The following SIPA1L3 variants were observed in gnomAD, a reference collection of about 807,000 sequenced individuals.
SIPA1L3 encodes the protein signal-induced proliferation-associated 1-like protein 3.
SIPA1L3 carries 59 observed loss-of-function variants against 150.1 expected under a neutral mutation model. That is an observed-to-expected ratio of 0.39 (90% CI 0.32 to 0.49). The LOEUF (loss-of-function observed/expected upper bound fraction) is 0.49, where lower values mean the gene tolerates loss of function less well. Ranked by LOEUF, SIPA1L3 falls within the 20% of genes least tolerant of loss-of-function variation. The pLI, the probability that SIPA1L3 is intolerant of heterozygous loss-of-function variation, is 0.86. For synonymous variants in SIPA1L3, 1,070 were observed against 1,077.6 expected, an observed-to-expected ratio of 0.99 and a Z score of 0.14; for missense variants, 2,211 against 2,489.5, an observed-to-expected ratio of 0.89 and a Z score of 2.38.
At chr19:38,195,795 C>CT in intron 18 of SIPA1L3, among the ~76,000 whole-genome samples, 2 of 102,328 alleles carry the variant, frequency 2.0e-5, no homozygotes, top group African/African-American at 4.7e-5. Flanking sequence ...AGGCCCCGTC[C>CT]CCCCCCGCCC....
rs563145310 is a variant in SIPA1L3 at position 38,170,639 on chromosome 19, G to A, written c.4208+5733G>A. Among the ~76,000 whole-genome samples, 8 of 152,312 alleles carry A rather than the reference G, an allele frequency of 5.3e-5. No individual in the cohort carries two copies. In the South Asian group the frequency reaches 8.3e-4, roughly 16 times the overall value. ...GGAACAGGCAGACCAGATCCCCACC[G>A]TCCTGGTACGGACGGAGGCCCATGG... On this transcript the variant is annotated intron_variant, in intron 15 of 21. Transcript: ENST00000222345.
rs190055801 is a variant in SIPA1L3, at chr19:38,090,666, G to T, written c.1665+1815G>T. On this transcript the variant is annotated intron_variant, in intron 4 of 21. Coordinates refer to ENST00000222345, the MANE Select transcript of SIPA1L3 (RefSeq NM_015073.3). ...GCCAGCTAGGCAGGCCCTCCAAAAT[G>T]GGTCTCCCTCAGCCTGCATTGCCCC... is the stretch of plus-strand genomic sequence containing the variant. Among the ~76,000 whole-genome samples the T allele has an allele frequency of 2.5e-4, 38 of 152,364 alleles. No individual in the cohort carries two copies. In the East Asian group the frequency reaches 6.7e-3, roughly 27 times the overall value.
At chr19:38,088,965 C>A (rs977322818) in intron 4 of SIPA1L3, 114 bp downstream of exon 4, 9 of 1,115,342 alleles carry the variant, frequency 8.1e-6, no homozygotes, top group Non-Finnish European at 1.2e-5. Flanking sequence ...TCCCAACAAC[C>A]CCGGGAGAGC....
chr19:37,908,191 T>C (rs958686972), intron 1 of SIPA1L3, among the ~76,000 whole-genome samples: 2 of 152,072 alleles, frequency 1.3e-5, no homozygotes, highest in African/African-American at 2.4e-5. Flanking sequence ...CTGGCCGTAG[T>C]ATTGGTCACC....
Position 38,164,795 on chromosome 19 carries a change from C to G in SIPA1L3, c.4097C>G (p.Ala1366Gly), listed in dbSNP as rs1268702891. 1 of 1,611,550 alleles carries G rather than the reference C, an allele frequency of 6.2e-7. No individual in the cohort carries two copies. The highest frequency in any genetic ancestry group is 8.5e-7 in the Non-Finnish European group (1 of 1,178,906). Reference protein sequence around the residue: ...HADRRREVSPAPAVAGQSKGY... With the variant: ...HADRRREVSPGPAVAGQSKGY... The stretch of plus-strand genomic sequence containing the variant: ...GACAGGCGGCGGGAGGTCTCCCCTG[C>G]CCCCGCAGTTGCCGGCCAAAGCAAG... The change falls in exon 15 of 22, where the codon GCC becomes GGC. Residue 1366 changes from alanine (A) to glycine (G), a missense_variant. Physicochemically the swap from Ala to Gly is moderately conservative, Grantham distance 60. Coordinates refer to ENST00000222345, the MANE Select transcript of SIPA1L3 (RefSeq NM_015073.3). This position sits in a 1 kb window ranked among gnomAD's most constrained non-coding sequence, Gnocchi z 4.1.
At chr19:38,123,871 A>G (rs867638618) in intron 9 of SIPA1L3, among the ~76,000 whole-genome samples, 41 of 92,574 alleles carry the variant, frequency 4.4e-4, no homozygotes, top group African/African-American at 1.0e-3. Context: ...CCTCCCGGAC[A>G]GGGCGGCTGG....
chr19:38,183,901 A>G (rs1262849905), intron 16 of SIPA1L3, among the ~76,000 whole-genome samples: 1 of 152,152 alleles, frequency 6.6e-6, no homozygotes. Context: ...CCGACTATAT[A>G]GGGTTAATCC....
intron 6 of SIPA1L3, among the ~76,000 whole-genome samples, chr19:38,103,901 CAAAAAAAAA>C (rs66888884): frequency 2.1e-5 from 2 of 96,290 alleles, no homozygotes; most frequent in Non-Finnish European, 4.1e-5. Flanking sequence ...GACTCCATAT[CAAAAAAAAA>C]AAAAAAAAAA....
At chr19:38,029,637 T>A (rs1968599837) in intron 2 of SIPA1L3, among the ~76,000 whole-genome samples, 1 of 152,180 alleles carries the variant, frequency 6.6e-6, no homozygotes, top group Non-Finnish European at 1.5e-5. Flanking sequence ...TCACTTTTGT[T>A]GCCCAGGCTG....
chr19:37,997,292 G>A (rs527480467), intron 1 of SIPA1L3, among the ~76,000 whole-genome samples: 5 of 152,066 alleles, frequency 3.3e-5, no homozygotes, highest in African/African-American at 1.2e-4. Flanking sequence ...TTTGGGCCGG[G>A]CACGGTGGCT....
chr19:38,101,040 T>C lies in SIPA1L3; in HGVS notation c.1855-12T>C. 2 of 1,534,458 alleles carry C rather than the reference T, an allele frequency of 1.3e-6. No homozygotes were observed. ...CTGGCCTGCCTCCACAAAGCCACTC[T>C]TGCCTCTGCAGCTCTGCCGGAAGCA... On this transcript the variant is annotated splice_polypyrimidine_tract_variant and intron_variant, in intron 5 of 21. Transcript: ENST00000222345.
chr19:38,126,615 C>T (rs1201283546), intron 9 of SIPA1L3, among the ~76,000 whole-genome samples: 1 of 151,938 alleles, frequency 6.6e-6, no homozygotes, highest in African/African-American at 2.4e-5. Context: ...CAGCTCACTG[C>T]AACCTCCGCC....
chr19:38,065,138 T>G (rs1323040628), intron 2 of SIPA1L3, among the ~76,000 whole-genome samples: 2 of 152,354 alleles, frequency 1.3e-5, no homozygotes, highest in African/African-American at 4.8e-5. Context: ...AGTTTAAGTA[T>G]TTGGGGTGAT....
intron 1 of SIPA1L3, among the ~76,000 whole-genome samples, chr19:37,997,037 T>G (rs1306345621): frequency 1.3e-5 from 2 of 151,968 alleles, no homozygotes; most frequent in Non-Finnish European, 2.9e-5. Context: ...GAATATTCCA[T>G]TTGGGTTGTA....
chr19:38,086,963 C>G (rs1035922222), intron 3 of SIPA1L3, among the ~76,000 whole-genome samples: 1 of 152,202 alleles, frequency 6.6e-6, no homozygotes, highest in Admixed American at 6.5e-5. Context: ...GATCAGACAT[C>G]ACCTTTGGAT....
At chr19:38,089,190 C>T (rs561477187) in intron 4 of SIPA1L3, among the ~76,000 whole-genome samples, 140 of 151,950 alleles carry the variant, frequency 9.2e-4, no homozygotes, top group African/African-American at 3.2e-3. Context: ...TGGTAGCACG[C>T]GCCTGTAATC....
intron 10 of SIPA1L3, among the ~76,000 whole-genome samples, chr19:38,140,301 C>T (rs950979248): frequency 5.9e-5 from 9 of 152,116 alleles, no homozygotes; most frequent in Non-Finnish European, 8.8e-5. Flanking sequence ...CGGATCTCCC[C>T]GCCTCAAGCC....
intron 10 of SIPA1L3, among the ~76,000 whole-genome samples, chr19:38,139,104 G>A (rs755286556): frequency 3.4e-4 from 51 of 151,650 alleles, no homozygotes; most frequent in Non-Finnish European, 6.6e-4. Context: ...GCTAAGGCGC[G>A]AGAATCGCTG....
intron 8 of SIPA1L3, among the ~76,000 whole-genome samples, chr19:38,111,066 C>G (rs982805365): frequency 4.0e-5 from 6 of 151,076 alleles, no homozygotes; most frequent in African/African-American, 1.5e-4. Flanking sequence ...CTCTGTCACC[C>G]AGGCTGGAAT....
Sources: gnomAD v4.1 joint callset for allele counts (sites outside exome capture counted in the v4.1 genomes callset) on GRCh38, gnomAD v4.1.1 for gene constraint, Gnocchi (gnomAD v3.1) non-coding constraint, MANE v1.5 for transcripts, NCBI Gene and HGNC (gene_info 2026-07-23, HGNC 2026-07-21) for gene names.